Variants in BCL7C observed in about 807,000 individuals in gnomAD.
The protein encoded by BCL7C is B-cell CLL/lymphoma 7 protein family member C.
In BCL7C, 8 loss-of-function variants were observed where a neutral mutation model predicts 26.2. The ratio of observed to expected loss-of-function variants is 0.30; its 90% confidence interval spans 0.18 to 0.55. BCL7C has a LOEUF of 0.55. Ranked by LOEUF, BCL7C falls within the 20% of genes least tolerant of loss-of-function variation. The probability of loss-of-function intolerance (pLI) is 0.93; values close to 1 mark genes in which losing one functional copy is unlikely to be tolerated. For missense variants in BCL7C, 262 were observed against 298.5 expected, an observed-to-expected ratio of 0.88 and a Z score of 0.90; for synonymous variants, 90 against 116.5, an observed-to-expected ratio of 0.77 and a Z score of 1.47.
At chr16:30,889,437 T>C (rs1039915132) in intron 4 of BCL7C, among the ~76,000 whole-genome samples, 3 of 152,168 alleles carry the variant, frequency 2.0e-5, no homozygotes, top group African/African-American at 7.2e-5. Context: ...CTTGGCACTG[T>C]CTAGACCCAG....
At position 30,892,740 on chromosome 16, in the gene BCL7C, G is replaced by A. The variant is rs144618629; in HGVS notation, c.288C>T (p.Asn96=). ...PLILLDLNDE[N]SNQSFHSEGS... Reference sequence around the variant, plus strand: ...CTTCCGAATGGAAACTCTGGTTGCTGTTCTCATCTGCGGGAGCAAGAGCCG... The same window carrying A: ...CTTCCGAATGGAAACTCTGGTTGCTATTCTCATCTGCGGGAGCAAGAGCCG... The change falls in exon 4 of 6, where the codon AAC becomes AAT. Residue 96 remains asparagine (N), a synonymous_variant. Transcript: ENST00000215115. 665 of 1,614,150 alleles carry A rather than the reference G, an allele frequency of 4.1e-4. No homozygotes were observed. The highest frequency in any genetic ancestry group is 4.4e-4 in the Non-Finnish European group (517 of 1,180,006).
At chr16:30,892,543 CAGGACTT>C in intron 4 of BCL7C, 36 bp downstream of exon 4, 1 of 1,519,550 alleles carries the variant, frequency 6.6e-7, no homozygotes, top group Non-Finnish European at 8.8e-7. Context: ...CTGGAGAAGA[CAGGACTT>C]AGAGGAGAGA....
intron 5 of BCL7C, among the ~76,000 whole-genome samples, chr16:30,879,904 T>A (rs191414972): frequency 1.8e-3 from 277 of 150,974 alleles, no homozygotes; most frequent in African/African-American, 6.4e-3. Flanking sequence ...GCAGGAGAAT[T>A]GCGTGAACCC....
At chr16:30,870,000 T>C (rs1185442057) in intron 5 of BCL7C, among the ~76,000 whole-genome samples, 1 of 152,226 alleles carries the variant, frequency 6.6e-6, no homozygotes, top group East Asian at 1.9e-4. Flanking sequence ...AGAATCCATG[T>C]GTATGAATAC....
intron 5 of BCL7C, among the ~76,000 whole-genome samples, chr16:30,862,994 C>T (rs2054791575): frequency 6.6e-6 from 1 of 152,176 alleles, no homozygotes; most frequent in Non-Finnish European, 1.5e-5. Flanking sequence ...AATTTTTATA[C>T]AAGAGCTGGG....
chr16:30,878,552 A>T (rs2054990100), intron 5 of BCL7C, among the ~76,000 whole-genome samples: 1 of 143,648 alleles, frequency 7.0e-6, no homozygotes, highest in Non-Finnish European at 1.5e-5. Context: ...AAAAACAAAA[A>T]TGTCTGGGGT....
intron 5 of BCL7C, among the ~76,000 whole-genome samples, chr16:30,871,943 A>G (rs145614230): frequency 1.4e-3 from 219 of 152,270 alleles, no homozygotes; most frequent in African/African-American, 4.6e-3. Flanking sequence ...CAGCTGTGAG[A>G]GAGGTGGACT....
chr16:30,878,798 G>C (rs1314221658), intron 5 of BCL7C, among the ~76,000 whole-genome samples: 1 of 151,352 alleles, frequency 6.6e-6, no homozygotes, highest in Non-Finnish European at 1.5e-5. Flanking sequence ...AGCTGAGATC[G>C]TGCCACTGCA....
chr16:30,893,950 C>CGGGGCT lies in BCL7C; in HGVS notation c.-12_-7dup, dbSNP rs767294251. 397 of 1,529,630 alleles carry CGGGGCT rather than the reference C, an allele frequency of 2.6e-4. No homozygotes were observed. The African/African-American group carries it at 5.1e-3, about 19-fold the overall frequency. The allele number at this position is 1,529,630 out of a possible 1,614,324, so 94.8% of individuals were successfully genotyped here. The stretch of plus-strand genomic sequence containing the variant: ...CGTACAGTCCGGCCGGCCATGCTGG[C>CGGGGCT]GGGGCTGGGGCCGGGGCCGAGCCCG... On this transcript the variant is annotated 5_prime_UTR_variant, in exon 1 of 6. Transcript: ENST00000215115. The surrounding 1 kb of genome is among the most constrained non-coding windows in gnomAD (Gnocchi z 5.2).
chr16:30,865,838 T>C (rs2054821273), intron 5 of BCL7C, among the ~76,000 whole-genome samples: 2 of 150,010 alleles, frequency 1.3e-5, no homozygotes. Flanking sequence ...GCGATTCTCC[T>C]GCCTCAGCCT....
chr16:30,869,505 CTTTCT>C (rs1470056999), intron 5 of BCL7C, among the ~76,000 whole-genome samples: 8 of 109,222 alleles, frequency 7.3e-5, no homozygotes, highest in Admixed American at 2.3e-4. Flanking sequence ...ACGCCTGGCT[CTTTCT>C]TTTTTTTTTT....
Position 30,893,119 on chromosome 16 carries a change from G to T in BCL7C, c.171+93C>A. 7.3e-7 allele frequency: 1 copy of T among 1,368,382 alleles called. No individual in the cohort carries two copies. The highest frequency in any genetic ancestry group is 1.0e-6 in the Non-Finnish European group (1 of 979,840). 84.8% of individuals were successfully genotyped at this position (1,368,382 alleles called of 1,614,324 possible). On this transcript the variant is annotated intron_variant, in intron 2 of 5. Transcript: ENST00000215115. The surrounding 1 kb of genome is among the most constrained non-coding windows in gnomAD (Gnocchi z 5.2). The stretch of plus-strand genomic sequence containing the variant: ...TTCCCGTCTGTCCTGCTGCATCTGA[G>T]GTCTCGGGGAGCTGGAGGTAGAGGT...
chr16:30,859,861 A>C (rs1340471547), intron 5 of BCL7C, among the ~76,000 whole-genome samples: 1 of 152,184 alleles, frequency 6.6e-6, no homozygotes, highest in East Asian at 1.9e-4. Context: ...TGGTCTCTTC[A>C]CACAAATGCA....
At chr16:30,880,624 A>G (rs897862213) in intron 5 of BCL7C, among the ~76,000 whole-genome samples, 2 of 151,984 alleles carry the variant, frequency 1.3e-5, no homozygotes, top group Non-Finnish European at 2.9e-5. Flanking sequence ...ACTTTCTGGC[A>G]AGTGATAGTG....
chr16:30,870,874 G>A (rs540951376), intron 5 of BCL7C, among the ~76,000 whole-genome samples: 25 of 152,284 alleles, frequency 1.6e-4, no homozygotes, highest in Admixed American at 7.2e-4. Context: ...TCCAATCCTT[G>A]TTGCTCCATT....
chr16:30,853,417 T>C (rs947631278), intron 5 of BCL7C, among the ~76,000 whole-genome samples: 1 of 152,184 alleles, frequency 6.6e-6, no homozygotes, highest in Non-Finnish European at 1.5e-5. Flanking sequence ...ATAACACGCA[T>C]GGAGCTGTCA....
intron 5 of BCL7C, among the ~76,000 whole-genome samples, chr16:30,873,266 C>T (rs1465810520): frequency 3.9e-5 from 6 of 152,116 alleles, no homozygotes; most frequent in African/African-American, 1.4e-4. Context: ...AAAAGGTTAT[C>T]TCAGTCAAAA....
At chr16:30,879,700 A>AAAAAAAAAAAAAAAAAAAC (rs758573108) in intron 5 of BCL7C, among the ~76,000 whole-genome samples, 3 of 135,114 alleles carry the variant, frequency 2.2e-5, no homozygotes, top group Non-Finnish European at 3.4e-5. Context: ...AAAAAAAAAA[A>AAAAAAAAAAAAAAAAAAAC]AAAAAAAAAC....
At chr16:30,879,689 C>CAAATAAAAAAAAAAAAA (rs2055008283) in intron 5 of BCL7C, among the ~76,000 whole-genome samples, 1 of 29,406 alleles carries the variant, frequency 3.4e-5, no homozygotes, top group African/African-American at 1.3e-4. Context: ...CCCTTCTCTA[C>CAAATAAAAAAAAAAAAA]AAAAAAAAAA....
Sources: allele counts gnomAD v4.1 joint callset (sites outside exome capture counted in the v4.1 genomes callset), GRCh38; gene constraint gnomAD v4.1.1; non-coding constraint Gnocchi (gnomAD v3.1); transcripts MANE v1.5; gene names NCBI Gene and HGNC (gene_info 2026-07-23, HGNC 2026-07-21).